The following FBXO7 variants were observed in gnomAD, a reference collection of about 807,000 sequenced individuals.
The protein encoded by FBXO7 is F-box protein 7.
FBXO7 carries 31 observed loss-of-function variants against 50.2 expected under a neutral mutation model. That is an observed-to-expected ratio of 0.62 (90% CI 0.46 to 0.83). The LOEUF (loss-of-function observed/expected upper bound fraction) is 0.83. Among genes scored for constraint, FBXO7 ranks in the 40% least tolerant of loss-of-function variants. The pLI is 0.00. For missense variants in FBXO7, 667 were observed against 646.6 expected (o/e 1.03, Z -0.34); for synonymous variants, 256 against 253.1 (o/e 1.01, Z -0.11).
At chr22:32,491,049 A>T (rs1452538236) in intron 5 of FBXO7, 37 bp from the exon 6 acceptor site, 2 of 1,465,526 alleles carry the variant, frequency 1.4e-6, no homozygotes, top group East Asian at 2.3e-5. Flanking sequence ...TTTTCACTTG[A>T]TTTTGGGTTT....
Position 32,485,143 on chromosome 22 carries a change from C to G in FBXO7, c.721C>G (p.Pro241Ala), listed in dbSNP as rs752429760. The change falls in exon 4 of 9, where the codon CCT becomes GCT. Residue 241 changes from proline (P) to alanine (A), a missense_variant. Coordinates refer to ENST00000266087, the MANE Select transcript of FBXO7 (RefSeq NM_012179.4). Reference sequence around the variant, plus strand: ...GGTGTATAAGCTGCAGTACATGCATCCTCTCTGCGAGGGCAGCTCCGCTAC... The same window carrying G: ...GGTGTATAAGCTGCAGTACATGCATGCTCTCTGCGAGGGCAGCTCCGCTAC... ...SGVYKLQYMHPLCEGSSATLT... is the reference protein window; with the variant it reads ...SGVYKLQYMHALCEGSSATLT... The G allele has an allele frequency of 3.1e-6, 5 of 1,614,050 alleles. No individual in the cohort carries two copies. In the South Asian group the frequency reaches 3.3e-5, roughly 11 times the overall value.
intron 2 of FBXO7, among the ~76,000 whole-genome samples, chr22:32,481,363 G>A (rs1219316126): frequency 1.3e-5 from 2 of 152,106 alleles, no homozygotes; most frequent in Admixed American, 1.3e-4. Context: ...CTTAGTAGGG[G>A]CCATTACTTT....
At chr22:32,485,247 A>G (rs1275152147) in intron 4 of FBXO7, 38 bp downstream of exon 4, 1 of 1,613,372 alleles carries the variant, frequency 6.2e-7, no homozygotes, top group East Asian at 2.2e-5. Context: ...TGGTTTATGG[A>G]TTCTTAGACG....
Position 32,479,115 on chromosome 22 carries a change from A to C in FBXO7, c.257A>C (p.Asn86Thr), listed in dbSNP as rs903085866. 2 of 1,614,190 alleles carry C rather than the reference A, an allele frequency of 1.2e-6. No homozygotes were observed. Among genetic ancestry groups the C allele is most frequent in the African/African-American group, 2.7e-5 (2 of 75,042 alleles). ...CTTCAAGATGACATTCCAGCGCCTA[A>C]TATACCTTCATCCACAGATTCAGAG... is the stretch of plus-strand genomic sequence containing the variant. ...LILQDDIPAP[N>T]IPSSTDSEHS... is the part of the protein sequence containing the mutation. The change falls in exon 2 of 9, where the codon AAT (asparagine) becomes ACT (threonine). Residue 86 changes from asparagine (N) to threonine (T), a missense_variant. By Grantham distance (65) the Asn-to-Thr change is moderately conservative. Coordinates refer to ENST00000266087, the MANE Select transcript of FBXO7 (RefSeq NM_012179.4).
In FBXO7 at chr22:32,479,250, C is replaced by T. The variant is rs1334400272; in HGVS notation, c.392C>T (p.Ser131Phe). 1 of 1,614,094 alleles carries T rather than the reference C, an allele frequency of 6.2e-7. No individual in the cohort carries two copies. Residue 131 changes from serine (S) to phenylalanine (F), a missense_variant, in exon 2 of 9, where the codon TCT (serine) becomes TTT (phenylalanine). By Grantham distance (155) the Ser-to-Phe change is radical. Transcript: ENST00000266087. ...TCATTCCAAGGACAGGCAGCCCAGT[C>T]TGGTGTTTGGAATGACGACAGTATG... is the stretch of plus-strand genomic sequence containing the variant. ...SDSFQGQAAQSGVWNDDSMLG... is the reference protein window; with the variant it reads ...SDSFQGQAAQFGVWNDDSMLG...
In FBXO7 at chr22:32,483,944, G is replaced by C. The variant is rs765523844; in HGVS notation, c.465G>C (p.Ala155=). ...AAGCTGAGTCAATTCAAGATAATGC[G>C]CATATGGCAGAGGGCACAGGTTTCT... ...NFEAESIQDN[A]HMAEGTGFYP... is the part of the protein sequence containing the mutation. The change falls in exon 3 of 9, where the codon GCG becomes GCC. Residue 155 remains alanine (A), a synonymous_variant. Transcript: ENST00000266087. The C allele has an allele frequency of 6.2e-7, 1 of 1,614,032 alleles. No individual in the cohort carries two copies.
At position 32,475,396 on chromosome 22, in the gene FBXO7, T is replaced by G. The variant is rs8137714; in HGVS notation, c.122+272T>G. 326,567 of 1,610,858 alleles carry G rather than the reference T, an allele frequency of 0.2. 33,812 individuals are homozygous for G. Among genetic ancestry groups the G allele is most frequent in the Middle Eastern group, 0.24 (1,466 of 6,046 alleles). On this transcript the variant is annotated intron_variant, in intron 1 of 8. Transcript: ENST00000266087. ...CCTCCCGGGGGCTCTGGTCCCCTCC[T>G]CGGTGAGTCATGGCTTCTGGTTTTG...
At chr22:32,485,885 C>G (rs1004485695) in intron 4 of FBXO7, among the ~76,000 whole-genome samples, 4 of 152,192 alleles carry the variant, frequency 2.6e-5, no homozygotes, top group African/African-American at 7.2e-5. Flanking sequence ...GTCATAATCA[C>G]ACATACTGGA....
chr22:32,497,508 A>G (rs1034847027), intron 8 of FBXO7, among the ~76,000 whole-genome samples: 1 of 152,212 alleles, frequency 6.6e-6, no homozygotes. Context: ...CATGGTGTAT[A>G]TATGCCACAT....
intron 2 of FBXO7, among the ~76,000 whole-genome samples, chr22:32,480,123 T>C (rs2057455253): frequency 6.6e-6 from 1 of 152,222 alleles, no homozygotes; most frequent in Non-Finnish European, 1.5e-5. Flanking sequence ...CATGGCTTTA[T>C]TCCTCAGTCT....
At chr22:32,495,914 A>G (rs1434909554) in intron 8 of FBXO7, among the ~76,000 whole-genome samples, 2 of 152,230 alleles carry the variant, frequency 1.3e-5, no homozygotes, top group African/African-American at 2.4e-5. Flanking sequence ...TGCAAGGTGG[A>G]GCAGCAAGTG....
chr22:32,484,037 G>T lies in FBXO7; in HGVS notation c.558G>T (p.Leu186Phe). ...EGQVPHSLET[L>F]YQSADCSDAN... is the part of the protein sequence containing the mutation. Reference sequence around the variant, plus strand: ...AAGTGCCACATTCATTAGAGACCTTGTATCAATCAGCTGACTGTTCTGATG... The same window carrying T: ...AAGTGCCACATTCATTAGAGACCTTTTATCAATCAGCTGACTGTTCTGATG... Residue 186 changes from leucine (L) to phenylalanine (F), a missense_variant, in exon 3 of 9, where the codon TTG (leucine) becomes TTT (phenylalanine). Coordinates refer to ENST00000266087, the MANE Select transcript of FBXO7 (RefSeq NM_012179.4). 1 of 1,614,154 alleles carries T rather than the reference G, an allele frequency of 6.2e-7. No individual in the cohort carries two copies. Among genetic ancestry groups the T allele is most frequent in the South Asian group, 1.1e-5 (1 of 91,084 alleles).
intron 8 of FBXO7, among the ~76,000 whole-genome samples, chr22:32,495,946 G>A (rs371199193): frequency 2.0e-5 from 3 of 152,212 alleles, no homozygotes; most frequent in East Asian, 3.8e-4. Context: ...GCTGCTGCAA[G>A]TTATCCAGAA....
rs758609287 is a variant in FBXO7, at chr22:32,498,488, C to A, written c.1527C>A (p.Pro509=). The A allele has an allele frequency of 6.2e-6, 10 of 1,614,104 alleles. No individual in the cohort carries two copies. The South Asian group carries it at 8.8e-5, about 14-fold the overall frequency. ...CCAATGACAGATTTCCCTTTAGACC[C>A]AGCAGGGGTCGGCCAACTGATGGCC... is the stretch of plus-strand genomic sequence containing the variant. ...GGPNDRFPFR[P]SRGRPTDGRL... is the part of the protein sequence containing the mutation. The change falls in exon 9 of 9, where the codon CCC becomes CCA. Residue 509 remains proline, a synonymous_variant. Coordinates refer to ENST00000266087, the MANE Select transcript of FBXO7 (RefSeq NM_012179.4).
At chr22:32,489,164 A>T (rs991680726) in intron 5 of FBXO7, 1 of 152,004 alleles carries the variant, frequency 6.6e-6, no homozygotes, top group African/African-American at 2.4e-5. Context: ...TTTTATTCTC[A>T]CTTCCCAAAG....
At chr22:32,477,515 T>C (rs868392562) in intron 1 of FBXO7, among the ~76,000 whole-genome samples, 4 of 152,220 alleles carry the variant, frequency 2.6e-5, no homozygotes, top group Non-Finnish European at 2.9e-5. Context: ...CTTCCGGGCT[T>C]ATTTGAATTC....
chr22:32,478,952 T>A, intron 1 of FBXO7, 29 bp from the exon 2 acceptor site: 1 of 1,608,920 alleles, frequency 6.2e-7, no homozygotes, highest in Non-Finnish European at 8.5e-7. Flanking sequence ...TAGGTAGTTC[T>A]TACTATGCTT....
chr22:32,475,141 G>A lies in FBXO7; in HGVS notation c.122+17G>A, dbSNP rs1258057988. ...GGGGTACAGGTACGCTGGGGCCGGG[G>A]CTGGGCGGCCCGCGGGGAGTGGGGA... On this transcript the variant is annotated intron_variant, in intron 1 of 8. Coordinates refer to ENST00000266087, the MANE Select transcript of FBXO7 (RefSeq NM_012179.4). The A allele has an allele frequency of 2.0e-6, 3 of 1,538,056 alleles. No individual in the cohort carries two copies. The highest frequency in any genetic ancestry group is 2.6e-6 in the Non-Finnish European group (3 of 1,142,830).
intron 1 of FBXO7, among the ~76,000 whole-genome samples, 155 bp from the exon 2 acceptor site, chr22:32,478,812 TGCTTGAGGCCAGGA>T: frequency 6.6e-6 from 1 of 152,268 alleles, no homozygotes; most frequent in East Asian, 1.9e-4. Flanking sequence ...GCAGGAGGAT[TGCTTGAGGCCAGGA>T]GCTTGAGACC....
Sources: allele counts gnomAD v4.1 joint callset (sites outside exome capture counted in the v4.1 genomes callset), GRCh38; gene constraint gnomAD v4.1.1; transcripts MANE v1.5; gene names NCBI Gene and HGNC (gene_info 2026-07-23, HGNC 2026-07-21).